ACLY: variants seen among roughly 807,000 people sequenced by gnomAD.
ACLY encodes ATP-citrate synthase.
Under a neutral mutation model 133.0 loss-of-function variants are expected in ACLY, and 41 were observed. That is an observed-to-expected ratio of 0.31 (90% CI 0.24 to 0.40). The LOEUF is 0.40. Among genes scored for constraint, ACLY ranks in the 10% least tolerant of loss-of-function variants. The pLI is 1.00. For synonymous variants in ACLY, 495 were observed against 549.3 expected (o/e 0.90, Z 1.38); for missense variants, 1,046 against 1,453.8 (o/e 0.72, Z 4.56).
chr17:41,894,835 G>A (rs897108585), intron 14 of ACLY, among the ~76,000 whole-genome samples: 1 of 152,160 alleles, frequency 6.6e-6, no homozygotes, highest in African/African-American at 2.4e-5. Context: ...AGCTCCCCTA[G>A]GAAGAATGAT....
Position 41,894,369 on chromosome 17 carries a change from C to T in ACLY, c.1460-1195G>A, listed in dbSNP as rs549931165. 4.0e-3 allele frequency among the ~76,000 whole-genome samples: 522 copies of T among 129,180 alleles called. 2 individuals carry two copies. Among genetic ancestry groups the T allele is most frequent in the African/African-American group, 0.015 (501 of 33,350 alleles). 84.7% of individuals were successfully genotyped at this position (129,180 alleles called of 152,430 possible). ...TCCAGCTTGGGCCACAGAGTGAGAC[C>T]CTGTCTCAAAAAAAAAAAAAAAAAA... On this transcript the variant is annotated intron_variant, in intron 14 of 28. Coordinates refer to ENST00000352035, the MANE Select transcript of ACLY (RefSeq NM_001096.3).
intron 25 of ACLY, 22 bp from the exon 26 acceptor site, chr17:41,869,609 C>G (rs782214778): frequency 6.4e-7 from 1 of 1,574,752 alleles, no homozygotes; most frequent in Non-Finnish European, 8.7e-7. Context: ...CCCAACGGTA[C>G]AGAGGAACAC....
rs544687543 is a variant in ACLY, at chr17:41,868,298, C to T, written c.3212-394G>A. On this transcript the variant is annotated intron_variant, in intron 28 of 28. Coordinates refer to ENST00000352035, the MANE Select transcript of ACLY (RefSeq NM_001096.3). ...CTAAAAATACAAAAAATTAGCCAGG[C>T]GTGGTGGCATGCGCCTGTAGTCCCA... Among the ~76,000 whole-genome samples the T allele has an allele frequency of 3.1e-4, 47 of 151,550 alleles. 1 individual carries two copies. In the South Asian group the frequency reaches 6.3e-3, roughly 20 times the overall value.
chr17:41,919,161 T>C (rs960145404), upstream of ACLY: 119 of 930,150 alleles, frequency 1.3e-4, no homozygotes, highest in African/African-American at 2.0e-3. Context: ...CGCTGGCCCA[T>C]CCACCGCCTC....
In ACLY at chr17:41,904,750, G is replaced by C. The variant is rs533228404; in HGVS notation, c.1044C>G (p.Thr348=). ...LIIGGSIANF[T]NVAATFKGIV... is the part of the protein sequence containing the mutation. ...TTACCTTGAACGTGGCAGCCACGTT[G>C]GTGAAGTTTGCGATGCTGCCTCCAA... Residue 348 remains threonine, a synonymous_variant, in exon 10 of 29, where the codon ACC becomes ACG. Transcript: ENST00000352035. The C allele has an allele frequency of 1.2e-6, 2 of 1,614,056 alleles. No individual in the cohort carries two copies. Among genetic ancestry groups the C allele is most frequent in the Non-Finnish European group, 1.7e-6 (2 of 1,179,936 alleles).
rs781910431 is a variant in ACLY, at chr17:41,918,918, C to T, written c.-62G>A. The T allele has an allele frequency of 7.8e-7, 1 of 1,289,262 alleles. No homozygotes were observed. The highest frequency in any genetic ancestry group is 1.2e-5 in the South Asian group (1 of 80,856). 79.9% of individuals were successfully genotyped at this position (1,289,262 alleles called of 1,614,324 possible). A position where few individuals can be genotyped will look rare whatever the true frequency, so the allele number is the denominator to read the frequency against. On this transcript the variant is annotated 5_prime_UTR_variant, in exon 1 of 29. Coordinates refer to ENST00000352035, the MANE Select transcript of ACLY (RefSeq NM_001096.3). ...CGTGCGCGGCGCTTCTTCCACAGGC[C>T]CGACGAACCCCGCAAAATCCGGAGC...
In ACLY at chr17:41,912,493, C is replaced by T; in HGVS notation, c.209G>A (p.Gly70Asp). ...DQLIKRRGKL[G>D]LVGVNLTLDG... Reference sequence around the variant, plus strand: ...CAGAGTGAGGTTGACCCCAACGAGACCAAGTTTTCCACGACGTTTGATCAG... The same window carrying T: ...CAGAGTGAGGTTGACCCCAACGAGATCAAGTTTTCCACGACGTTTGATCAG... Residue 70 changes from glycine to aspartate, a missense_variant, in exon 3 of 29, where the codon GGT (glycine) becomes GAT (aspartate). Gly to Asp is a moderately conservative substitution (Grantham distance 94). This residue lies in a region of ACLY where 227 missense variants were observed against 245.6 expected (regional missense o/e 0.92). Transcript: ENST00000352035. 3.7e-6 allele frequency: 6 copies of T among 1,614,230 alleles called. No individual in the cohort carries two copies. Among genetic ancestry groups the T allele is most frequent in the Non-Finnish European group, 3.4e-6 (4 of 1,180,042 alleles).
intron 18 of ACLY, among the ~76,000 whole-genome samples, chr17:41,884,801 C>T (rs782394971): frequency 3.3e-5 from 5 of 152,140 alleles, no homozygotes; most frequent in African/African-American, 7.2e-5. Flanking sequence ...ACGGGAGGAT[C>T]GCTTGAATTT....
At chr17:41,884,402 C>T in intron 18 of ACLY, 128 bp from the exon 19 acceptor site, 1 of 629,940 alleles carries the variant, frequency 1.6e-6, no homozygotes, top group Non-Finnish European at 2.9e-6. Flanking sequence ...CAGTAAGGGT[C>T]CAGAGATGCC....
intron 10 of ACLY, among the ~76,000 whole-genome samples, chr17:41,902,283 G>A (rs532921931): frequency 3.0e-4 from 45 of 152,238 alleles, no homozygotes; most frequent in Admixed American, 2.2e-3. Flanking sequence ...GTGTGAGCTC[G>A]GCTCACTGCA....
chr17:41,872,246 C>T (rs2048617072), intron 23 of ACLY, 64 bp from the exon 24 acceptor site: 1 of 1,514,420 alleles, frequency 6.6e-7, no homozygotes, highest in Non-Finnish European at 9.0e-7. Context: ...TTTCCCCCAT[C>T]TCCCTAAACA....
intron 23 of ACLY, 61 bp from the exon 24 acceptor site, chr17:41,872,243 C>A: frequency 1.3e-6 from 2 of 1,525,618 alleles, no homozygotes; most frequent in South Asian, 1.1e-5. Context: ...TACTTTCCCC[C>A]ATCTCCCTAA....
chr17:41,877,936 C>T (rs1294927435), intron 22 of ACLY, among the ~76,000 whole-genome samples, 167 bp downstream of exon 22: 1 of 151,976 alleles, frequency 6.6e-6, no homozygotes, highest in Non-Finnish European at 1.5e-5. Context: ...ACTTAATAAA[C>T]TCTCCTTTAT....
chr17:41,895,870 A>T (rs1420451489), intron 14 of ACLY, among the ~76,000 whole-genome samples: 2 of 152,204 alleles, frequency 1.3e-5, no homozygotes, highest in Non-Finnish European at 2.9e-5. Context: ...TGTGAATGTC[A>T]AAGTTAAATG....
intron 16 of ACLY, among the ~76,000 whole-genome samples, chr17:41,890,166 G>GT (rs1426185051): frequency 9.2e-5 from 14 of 152,188 alleles, no homozygotes; most frequent in African/African-American, 3.4e-4. Context: ...GTGGCATACA[G>GT]TATTATTCCC....
intron 1 of ACLY, among the ~76,000 whole-genome samples, chr17:41,917,919 AAC>A (rs2050094705): frequency 1.3e-5 from 2 of 152,286 alleles, no homozygotes; most frequent in East Asian, 1.9e-4. Flanking sequence ...GCCAGCTGAA[AAC>A]ACAGAGGAAA....
At chr17:41,900,580 C>A (rs904456445) in intron 11 of ACLY, among the ~76,000 whole-genome samples, 1 of 150,342 alleles carries the variant, frequency 6.7e-6, no homozygotes, top group Admixed American at 6.6e-5. Context: ...TTTTAATTAG[C>A]CAGGTGTGGT....
intron 6 of ACLY, 86 bp downstream of exon 6, chr17:41,908,902 TG>T: frequency 1.8e-6 from 2 of 1,098,140 alleles, no homozygotes; most frequent in Non-Finnish European, 2.8e-6. Flanking sequence ...CTCTGGCAAG[TG>T]GGAGTCTGGT....
chr17:41,924,936 T>G (rs1051138565), intron 1 of ACLY, among the ~76,000 whole-genome samples: 13 of 152,088 alleles, frequency 8.5e-5, no homozygotes, highest in Non-Finnish European at 1.8e-4. Context: ...TCCCTCCTCT[T>G]TCAGGAAGAA....
Sources: allele counts gnomAD v4.1 joint callset (sites outside exome capture counted in the v4.1 genomes callset), GRCh38; gene constraint gnomAD v4.1.1; regional missense constraint gnomAD v4.1.1; transcripts MANE v1.5; gene names NCBI Gene and HGNC (gene_info 2026-07-23, HGNC 2026-07-21).